Variants in PIEZO2 observed in about 807,000 individuals in gnomAD.
PIEZO2 encodes the protein piezo-type mechanosensitive ion channel component 2.
Under a neutral mutation model 337.3 loss-of-function variants are expected in PIEZO2, and 172 were observed. The ratio of observed to expected loss-of-function variants is 0.51; its 90% confidence interval spans 0.45 to 0.58. The LOEUF (loss-of-function observed/expected upper bound fraction) is 0.58, where lower values mean the gene tolerates loss of function less well. Ranked by LOEUF, PIEZO2 falls within the 20% of genes least tolerant of loss-of-function variation. The pLI, the probability that PIEZO2 is intolerant of heterozygous loss-of-function variation, is 0.00. For synonymous variants in PIEZO2, 1,251 were observed against 1,228.5 expected (o/e 1.02, Z -0.38); for missense variants, 3,028 against 3,391.3 (o/e 0.89, Z 2.66).
intron 2 of PIEZO2, among the ~76,000 whole-genome samples, chr18:11,041,446 A>G (rs983731957): frequency 1.3e-4 from 20 of 152,068 alleles, no homozygotes; most frequent in African/African-American, 4.8e-4. Flanking sequence ...GAATAGACAA[A>G]GGCATGATTT....
chr18:11,072,379 T>TAGAAC lies in PIEZO2; in HGVS notation c.65-6162_65-6158dup, dbSNP rs931556179. On this transcript the variant is annotated intron_variant, in intron 1 of 55. Coordinates refer to ENST00000674853, the MANE Select transcript of PIEZO2 (RefSeq NM_001378183.1). ...GGCCCCCAAATAAAAATGTAATAAATAGAACATTTCTCTTTTTTTTAGCCT... is the reference window on the plus strand; with the variant it reads ...GGCCCCCAAATAAAAATGTAATAAATAGAACAGAACATTTCTCTTTTTTTTAGCCT... Among the ~76,000 whole-genome samples, 290 of 152,298 alleles carry TAGAAC rather than the reference T, an allele frequency of 1.9e-3. 4 individuals carry two copies. Among genetic ancestry groups the TAGAAC allele is most frequent in the Non-Finnish European group, 3.4e-4 (23 of 68,024 alleles).
chr18:10,854,075 T>G lies in PIEZO2; in HGVS notation c.917+1278A>C, dbSNP rs1346872520. Among the ~76,000 whole-genome samples, 1 of 152,214 alleles carries G rather than the reference T, an allele frequency of 6.6e-6. No individual in the cohort carries two copies. The highest frequency in any genetic ancestry group is 1.5e-5 in the Non-Finnish European group (1 of 68,042). On this transcript the variant is annotated intron_variant, in intron 7 of 55. Transcript: ENST00000674853. The surrounding 1 kb of genome is among the most constrained non-coding windows in gnomAD (Gnocchi z 4.6). ...GGCCTCTTTTCCATGCTGATTTTTT[T>G]TTTAAAGACCCATTCATTTGCCTTG...
In PIEZO2 at chr18:10,988,569, C is replaced by G. The variant is rs1430829344; in HGVS notation, c.161-8909G>C. Among the ~76,000 whole-genome samples, 1 of 151,920 alleles carries G rather than the reference C, an allele frequency of 6.6e-6. No homozygotes were observed. Among genetic ancestry groups the G allele is most frequent in the Non-Finnish European group, 1.5e-5 (1 of 67,998 alleles). The stretch of plus-strand genomic sequence containing the variant: ...TTAAAAATAGAACTGCTAAATAATC[C>G]CACTTCTGGGTATACATTCAAAATA... On this transcript the variant is annotated intron_variant, in intron 2 of 55. Transcript: ENST00000674853. This position sits in a 1 kb window ranked among gnomAD's most constrained non-coding sequence, Gnocchi z 4.8.
In PIEZO2 at chr18:11,125,048, C is replaced by A. The variant is rs2040144611; in HGVS notation, c.64+23477G>T. Among the ~76,000 whole-genome samples the A allele has an allele frequency of 6.6e-6, 1 of 152,042 alleles. No homozygotes were observed. The highest frequency in any genetic ancestry group is 2.4e-5 in the African/African-American group (1 of 41,416). On this transcript the variant is annotated intron_variant, in intron 1 of 55. Transcript: ENST00000674853. This position sits in a 1 kb window ranked among gnomAD's most constrained non-coding sequence, Gnocchi z 4.4. ...AAAGTTAGATAATTTTTCTGAGTTT[C>A]TATTTTCTCATGTAAAACCTTTCCT...
intron 1 of PIEZO2, among the ~76,000 whole-genome samples, chr18:11,081,120 C>T (rs1434051728): frequency 1.3e-5 from 2 of 152,136 alleles, no homozygotes; most frequent in Non-Finnish European, 2.9e-5. Context: ...CCTCTTTCTG[C>T]CACAAGAACT....
chr18:10,684,794 C>G (rs902398081), intron 49 of PIEZO2, among the ~76,000 whole-genome samples: 7 of 152,184 alleles, frequency 4.6e-5, no homozygotes, highest in Non-Finnish European at 1.0e-4. Flanking sequence ...GCATTGTCCC[C>G]TTCCTGTCCT....
intron 18 of PIEZO2, among the ~76,000 whole-genome samples, chr18:10,774,434 CA>C (rs1432025836): frequency 6.9e-6 from 1 of 145,880 alleles, no homozygotes; most frequent in African/African-American, 2.5e-5. Flanking sequence ...AGACGAATCC[CA>C]CTCTGCCATC....
rs192471232 is a variant in PIEZO2 at position 10,676,968 on chromosome 18, C to T, written c.8081+779G>A. 4.6e-5 allele frequency among the ~76,000 whole-genome samples: 7 copies of T among 152,294 alleles called. No individual in the cohort carries two copies. The highest frequency in any genetic ancestry group is 4.6e-4 in the Admixed American group (7 of 15,298). ...CCACTGGGCACATACTATGTTGGGC[C>T]ATATGAACCCAGGTGGACCTGCCAG... On this transcript the variant is annotated intron_variant, in intron 53 of 55. Coordinates refer to ENST00000674853, the MANE Select transcript of PIEZO2 (RefSeq NM_001378183.1). This position sits in a 1 kb window ranked among gnomAD's most constrained non-coding sequence, Gnocchi z 5.1.
chr18:10,733,789 A>C (rs1048079753), intron 35 of PIEZO2, among the ~76,000 whole-genome samples: 7 of 152,172 alleles, frequency 4.6e-5, no homozygotes, highest in African/African-American at 1.7e-4. Flanking sequence ...CCTGTCAGCC[A>C]GCTGGATGCG....
intron 1 of PIEZO2, among the ~76,000 whole-genome samples, chr18:11,107,344 T>A (rs910842759): frequency 2.6e-5 from 4 of 152,156 alleles, no homozygotes; most frequent in African/African-American, 9.7e-5. Context: ...CAGAGGGTGT[T>A]ATCAGATTAC....
chr18:11,133,802 A>ATG (rs540780409), intron 1 of PIEZO2, among the ~76,000 whole-genome samples: 84 of 130,452 alleles, frequency 6.4e-4, no homozygotes, highest in Middle Eastern at 9.9e-3. Context: ...CTCTATATAT[A>ATG]TGTGTGTATA....
intron 13 of PIEZO2, among the ~76,000 whole-genome samples, chr18:10,793,969 T>G (rs2039495402): frequency 6.6e-6 from 1 of 152,202 alleles, no homozygotes; most frequent in African/African-American, 2.4e-5. Context: ...ATGGGGTGTG[T>G]GGCAACCCTT....
rs1227781674 is a variant in PIEZO2, at chr18:10,888,503, G to T, written c.330-17088C>A. On this transcript the variant is annotated intron_variant, in intron 4 of 55. Coordinates refer to ENST00000674853, the MANE Select transcript of PIEZO2 (RefSeq NM_001378183.1). This position sits in a 1 kb window ranked among gnomAD's most constrained non-coding sequence, Gnocchi z 4.1. ...AGAGCTGGGCACTTGGAGTAGCATT[G>T]TTACGGGGGCGACATTGCTTCTGGG... is the stretch of plus-strand genomic sequence containing the variant. Among the ~76,000 whole-genome samples, 1 of 152,110 alleles carries T rather than the reference G, an allele frequency of 6.6e-6. No individual in the cohort carries two copies. Among genetic ancestry groups the T allele is most frequent in the Non-Finnish European group, 1.5e-5 (1 of 68,024 alleles).
At chr18:10,799,839 G>C (rs190289012) in intron 11 of PIEZO2, among the ~76,000 whole-genome samples, 1 of 144,196 alleles carries the variant, frequency 6.9e-6, no homozygotes, top group East Asian at 2.3e-4. Flanking sequence ...CAGGCGTGGT[G>C]GTGGGCACCT....
chr18:11,092,312 A>T lies in PIEZO2; in HGVS notation c.65-26090T>A, dbSNP rs1222680091. ...TTCATCCATTTGAAATTAGCTTGACAGAGTATTTGCCAAGAGATTGTTAAA... is the reference window on the plus strand; with the variant it reads ...TTCATCCATTTGAAATTAGCTTGACTGAGTATTTGCCAAGAGATTGTTAAA... On this transcript the variant is annotated intron_variant, in intron 1 of 55. Transcript: ENST00000674853. The surrounding 1 kb of genome is among the most constrained non-coding windows in gnomAD (Gnocchi z 4.5). Among the ~76,000 whole-genome samples the T allele has an allele frequency of 6.6e-6, 1 of 152,234 alleles. No individual in the cohort carries two copies. Among genetic ancestry groups the T allele is most frequent in the Non-Finnish European group, 1.5e-5 (1 of 68,034 alleles).
At chr18:10,714,962 A>G in intron 38 of PIEZO2, 32 bp from the exon 39 acceptor site, 1 of 1,533,118 alleles carries the variant, frequency 6.5e-7, no homozygotes, top group South Asian at 1.2e-5. Flanking sequence ...CACAGTTCTT[A>G]TGGAGGCATC....
At position 10,850,519 on chromosome 18, in the gene PIEZO2, T is replaced by G. The variant is rs1229776964; in HGVS notation, c.917+4834A>C. On this transcript the variant is annotated intron_variant, in intron 7 of 55. Coordinates refer to ENST00000674853, the MANE Select transcript of PIEZO2 (RefSeq NM_001378183.1). This position sits in a 1 kb window ranked among gnomAD's most constrained non-coding sequence, Gnocchi z 4.5. ...AAGTTTTGTTTAGATTTAGAAGTAA[T>G]GTGGGCACTTGTTGCAGCCTTATTC... Among the ~76,000 whole-genome samples the G allele has an allele frequency of 6.6e-6, 1 of 152,204 alleles. No individual in the cohort carries two copies. Among genetic ancestry groups the G allele is most frequent in the Admixed American group, 6.5e-5 (1 of 15,274 alleles).
intron 3 of PIEZO2, among the ~76,000 whole-genome samples, chr18:10,971,574 C>T (rs547264148): frequency 1.3e-5 from 2 of 152,138 alleles, no homozygotes; most frequent in South Asian, 4.2e-4. Flanking sequence ...CATGCAGTCC[C>T]GACTGTCCCC....
intron 18 of PIEZO2, among the ~76,000 whole-genome samples, chr18:10,774,688 A>T (rs2038725755): frequency 6.6e-6 from 1 of 152,172 alleles, no homozygotes; most frequent in South Asian, 2.1e-4. Context: ...AGTTTTTTTT[A>T]AAAGCATATC....
Sources: gnomAD v4.1 joint callset for allele counts (sites outside exome capture counted in the v4.1 genomes callset) on GRCh38, gnomAD v4.1.1 for gene constraint, Gnocchi (gnomAD v3.1) non-coding constraint, MANE v1.5 for transcripts, NCBI Gene and HGNC (gene_info 2026-07-23, HGNC 2026-07-21) for gene names.